Variants in PPP2R2C observed in about 807,000 individuals in gnomAD.
PPP2R2C encodes the protein protein phosphatase 2 regulatory subunit Bgamma.
A neutral mutation model predicts 45.3 loss-of-function variants in PPP2R2C; 10 were observed. That is an observed-to-expected ratio of 0.22 (90% confidence interval 0.14 to 0.37). The LOEUF is 0.37. PPP2R2C is among the 10% of genes least tolerant of loss of function. The probability of loss-of-function intolerance (pLI) is 1.00; values close to 1 mark genes in which losing one functional copy is unlikely to be tolerated. For missense variants in PPP2R2C, 308 were observed against 619.7 expected, an observed-to-expected ratio of 0.50 and a Z score of 5.34; for synonymous variants, 257 against 245.4, an observed-to-expected ratio of 1.05 and a Z score of -0.44.
chr4:6,548,295 C>T (rs753418494), intron 1 of PPP2R2C, among the ~76,000 whole-genome samples: 2 of 152,152 alleles, frequency 1.3e-5, no homozygotes, highest in Non-Finnish European at 2.9e-5. Context: ...TAACACTCAG[C>T]CTCTCTGAGC....
intron 1 of PPP2R2C, among the ~76,000 whole-genome samples, chr4:6,537,767 G>A (rs1724679894): frequency 6.6e-6 from 1 of 152,166 alleles, no homozygotes; most frequent in East Asian, 1.9e-4. Flanking sequence ...AGCCAGGATG[G>A]TCTCGGTCTC....
intron 2 of PPP2R2C, among the ~76,000 whole-genome samples, chr4:6,478,671 T>C (rs1264535522): frequency 6.6e-6 from 1 of 152,234 alleles, no homozygotes; most frequent in Non-Finnish European, 1.5e-5. Flanking sequence ...GCACTTCACA[T>C]AGGTGACTTC....
At chr4:6,407,717 G>A (rs530169521) in intron 1 of PPP2R2C, among the ~76,000 whole-genome samples, 4 of 152,246 alleles carry the variant, frequency 2.6e-5, no homozygotes, top group Admixed American at 6.5e-5. Context: ...CCAACATTTA[G>A]AAGTCAAATA....
upstream of PPP2R2C, among the ~76,000 whole-genome samples, chr4:6,472,705 G>C (rs938168628): frequency 1.3e-5 from 2 of 151,584 alleles, no homozygotes; most frequent in Non-Finnish European, 1.5e-5. Context: ...AGGTGGAGCC[G>C]GCGCCCAAGC....
chr4:6,468,437 G>A (rs1205298235), intron 1 of PPP2R2C, among the ~76,000 whole-genome samples: 2 of 152,220 alleles, frequency 1.3e-5, no homozygotes, highest in Non-Finnish European at 2.9e-5. Flanking sequence ...GAAAACATGG[G>A]TACATCCTTT....
intron 2 of PPP2R2C, among the ~76,000 whole-genome samples, chr4:6,493,235 ACGCG>A (rs1412285303): frequency 6.6e-6 from 1 of 151,840 alleles, no homozygotes; most frequent in Non-Finnish European, 1.5e-5. Context: ...GCACACACGC[ACGCG>A]CGCGCACATA....
At chr4:6,435,893 C>T (rs1719869768) in intron 1 of PPP2R2C, among the ~76,000 whole-genome samples, 1 of 152,132 alleles carries the variant, frequency 6.6e-6, no homozygotes, top group African/African-American at 2.4e-5. Flanking sequence ...GCTCCCACAC[C>T]AGTTGTTATG....
chr4:6,365,280 C>T (rs1352007967), intron 5 of PPP2R2C, among the ~76,000 whole-genome samples: 1 of 152,194 alleles, frequency 6.6e-6, no homozygotes, highest in Admixed American at 6.5e-5. Flanking sequence ...GACTCCCAGC[C>T]ATCAGTGGTA....
At position 6,364,470 on chromosome 4, in the gene PPP2R2C, C is replaced by T. The variant is rs1486420210; in HGVS notation, c.625+8053G>A. Among the ~76,000 whole-genome samples the T allele has an allele frequency of 1.3e-5, 2 of 151,792 alleles. No individual in the cohort carries two copies. Among genetic ancestry groups the T allele is most frequent in the Non-Finnish European group, 2.9e-5 (2 of 67,962 alleles). On this transcript the variant is annotated intron_variant, in intron 5 of 8. Transcript: ENST00000382599. This position sits in a 1 kb window ranked among gnomAD's most constrained non-coding sequence, Gnocchi z 5.3. ...CTGAAGGGTTCTGAGCAAGGAGTGA[C>T]ATGATCTTGTCGTTTTTTTTTTTCT...
At chr4:6,550,436 C>A (rs1448714209) in intron 1 of PPP2R2C, among the ~76,000 whole-genome samples, 1 of 152,184 alleles carries the variant, frequency 6.6e-6, no homozygotes. Context: ...AGAACTTCAC[C>A]CTTCACTAAC....
intron 1 of PPP2R2C, chr4:6,381,926 A>G (rs1715828649): frequency 3.2e-6 from 5 of 1,563,892 alleles, no homozygotes; most frequent in African/African-American, 1.4e-5. Context: ...TACGAGTCAC[A>G]GAGATGAGTG....
rs149363308 is a variant in PPP2R2C at position 6,558,989 on chromosome 4, G to A, written c.-59+4571C>T. 9.5e-4 allele frequency among the ~76,000 whole-genome samples: 144 copies of A among 152,354 alleles called. 2 individuals carry two copies. The highest frequency in any genetic ancestry group is 3.4e-3 in the African/African-American group (140 of 41,594). On this transcript the variant is annotated intron_variant, in intron 1 of 9. Coordinates refer to the PPP2R2C transcript ENST00000506140. ...TGATGGGACACCAGCCTCCAGCCAG[G>A]AGTGCACAGGAAAGACAGCAACAGT...
chr4:6,510,950 C>A (rs2108801231), intron 2 of PPP2R2C, among the ~76,000 whole-genome samples: 1 of 140,246 alleles, frequency 7.1e-6, no homozygotes, highest in East Asian at 2.3e-4. Flanking sequence ...GCACTCCAGC[C>A]TCGGCAACAG....
intron 2 of PPP2R2C, among the ~76,000 whole-genome samples, chr4:6,511,819 ATGGTGGTGGTGG>A (rs1560594422): frequency 1.4e-3 from 4 of 2,872 alleles, no homozygotes; most frequent in Non-Finnish European, 2.2e-3. Flanking sequence ...GGTGGTGGTG[ATGGTGGTGGTGG>A]TGGTGATGGT....
At chr4:6,495,268 G>A (rs1049561421) in intron 2 of PPP2R2C, among the ~76,000 whole-genome samples, 3 of 152,188 alleles carry the variant, frequency 2.0e-5, no homozygotes, top group South Asian at 2.1e-4. Flanking sequence ...AGCCATCGTC[G>A]GCACAGGGAA....
chr4:6,418,028 G>C (rs981667284), intron 1 of PPP2R2C, among the ~76,000 whole-genome samples: 1 of 152,210 alleles, frequency 6.6e-6, no homozygotes, highest in Non-Finnish European at 1.5e-5. Context: ...GGGAGAACTG[G>C]GTTGGGGTCC....
chr4:6,401,806 G>A (rs946423421), intron 1 of PPP2R2C, among the ~76,000 whole-genome samples: 14 of 152,140 alleles, frequency 9.2e-5, no homozygotes, highest in African/African-American at 2.2e-4. Context: ...TCTTCCTGTC[G>A]CTCAAAGGGC....
chr4:6,333,742 A>G lies in PPP2R2C; in HGVS notation c.791-11T>C, dbSNP rs752883274. On this transcript the variant is annotated splice_polypyrimidine_tract_variant and intron_variant, in intron 6 of 8. Coordinates refer to ENST00000382599, the MANE Select transcript of PPP2R2C (RefSeq NM_020416.4). ...CAGGCTCTTCAAAGACTGTGGAGACAGAGAAGCAATGGCCGTCACTGCGCT... is the reference window on the plus strand; with the variant it reads ...CAGGCTCTTCAAAGACTGTGGAGACGGAGAAGCAATGGCCGTCACTGCGCT... 3.1e-6 allele frequency: 5 copies of G among 1,613,980 alleles called. No individual in the cohort carries two copies. The South Asian group carries it at 5.5e-5, about 18-fold the overall frequency.
In PPP2R2C at chr4:6,343,511, G is replaced by A. The variant is rs56884581; in HGVS notation, c.790+4335C>T. ...ATAATCCCAGCACTGGAGGCCAGGAGTTCGAGACCAGCCTGGCCAACACAG... is the reference window on the plus strand; with the variant it reads ...ATAATCCCAGCACTGGAGGCCAGGAATTCGAGACCAGCCTGGCCAACACAG... On this transcript the variant is annotated intron_variant, in intron 6 of 8. Coordinates refer to ENST00000382599, the MANE Select transcript of PPP2R2C (RefSeq NM_020416.4). Among the ~76,000 whole-genome samples, 1,347 of 152,256 alleles carry A rather than the reference G, an allele frequency of 8.8e-3. 27 individuals carry two copies. The highest frequency in any genetic ancestry group is 0.031 in the African/African-American group (1,284 of 41,546).
Sources: allele counts gnomAD v4.1 joint callset (sites outside exome capture counted in the v4.1 genomes callset), GRCh38; gene constraint gnomAD v4.1.1; non-coding constraint Gnocchi (gnomAD v3.1); transcripts MANE v1.5; gene names NCBI Gene and HGNC (gene_info 2026-07-23, HGNC 2026-07-21).